The following GINS2 variants were observed in gnomAD, a reference collection of about 807,000 sequenced individuals.
GINS2 encodes the protein GINS complex subunit 2.
In GINS2, 23 loss-of-function variants were observed where a neutral mutation model predicts 21.2. That is an observed-to-expected ratio of 1.08 (90% CI 0.78 to 1.53). GINS2 has a LOEUF of 1.53. Among genes scored for constraint, GINS2 ranks in the 40% most tolerant of loss-of-function variants. The pLI, the probability that GINS2 is intolerant of heterozygous loss-of-function variation, is 0.00. For missense variants in GINS2, 323 were observed against 233.9 expected (o/e 1.38, Z -2.49); for synonymous variants, 118 against 85.6 (o/e 1.38, Z -2.09).
rs910007738 is a variant in GINS2 at position 85,681,781 on chromosome 16, T to C, written c.206-100A>G. 8.7e-6 allele frequency: 6 copies of C among 687,676 alleles called. No individual in the cohort carries two copies. In the African/African-American group the frequency reaches 1.1e-4, roughly 13 times the overall value. 42.6% of individuals were successfully genotyped at this position (687,676 alleles called of 1,614,324 possible). Reference sequence around the variant, plus strand: ...TGCCTATATTATCTGGCAAATACATTATCAACTAGCAAATACATGAAAAAA... The same window carrying C: ...TGCCTATATTATCTGGCAAATACATCATCAACTAGCAAATACATGAAAAAA... On this transcript the variant is annotated intron_variant, in intron 2 of 4. Transcript: ENST00000253462.
chr16:85,682,649 A>G (rs1196656258), intron 2 of GINS2, among the ~76,000 whole-genome samples: 1 of 152,108 alleles, frequency 6.6e-6, no homozygotes, highest in African/African-American at 2.4e-5. Flanking sequence ...AGGAGGCATG[A>G]CATCCTAGAG....
chr16:85,678,240 A>G lies in GINS2; in HGVS notation c.530T>C (p.Leu177Pro). The G allele has an allele frequency of 6.2e-7, 1 of 1,613,696 alleles. No homozygotes were observed. The highest frequency in any genetic ancestry group is 8.5e-7 in the Non-Finnish European group (1 of 1,179,790). Residue 177 changes from leucine to proline, a missense_variant, in exon 5 of 5, where the codon CTG becomes CCG. Coordinates refer to ENST00000253462, the MANE Select transcript of GINS2 (RefSeq NM_016095.3). ...GAAGTCCTGAGACTGAGTACTCTCCAGAGGCTGGAGGTTCGTGCGGAGTTT... is the reference window on the plus strand; with the variant it reads ...GAAGTCCTGAGACTGAGTACTCTCCGGAGGCTGGAGGTTCGTGCGGAGTTT... ...MYKLRTNLQPLESTQSQDF is the reference protein window; with the variant it reads ...MYKLRTNLQPPESTQSQDF
rs35890264 is a variant in GINS2, at chr16:85,686,417, C to CA, written c.205+1042dup. Among the ~76,000 whole-genome samples the CA allele has an allele frequency of 8.3e-3, 923 of 110,772 alleles. 7 individuals carry two copies. Among genetic ancestry groups the CA allele is most frequent in the East Asian group, 0.014 (59 of 4,350 alleles). 72.7% of individuals were successfully genotyped at this position (110,772 alleles called of 152,430 possible). The stretch of plus-strand genomic sequence containing the variant: ...TGGGCGACAGAGCGAGACTCTGTCT[C>CA]AAAAAAAAAAAAAAAGTATACAAGT... On this transcript the variant is annotated intron_variant, in intron 2 of 4. Transcript: ENST00000253462.
In GINS2 at chr16:85,678,272, G is replaced by A. The variant is rs200190343; in HGVS notation, c.498C>T (p.His166=). Residue 166 remains histidine, a synonymous_variant, in exon 5 of 5, where the codon CAC becomes CAT. Coordinates refer to ENST00000253462, the MANE Select transcript of GINS2 (RefSeq NM_016095.3). The part of the protein sequence containing the change: ...SGTFLTQALN[H]MYKLRTNLQP... ...GGAGGTTCGTGCGGAGTTTGTACAT[G>A]TGGTTGAGCGCTTGTGTGAGGAAAG... The A allele has an allele frequency of 4.1e-4, 668 of 1,612,574 alleles. 5 individuals carry two copies. The South Asian group carries it at 6.1e-3, about 15-fold the overall frequency.
rs532522114 is a variant in GINS2 at position 85,678,294 on chromosome 16, A to C, written c.476T>G (p.Phe159Cys). 28 of 1,613,290 alleles carry C rather than the reference A, an allele frequency of 1.7e-5. No homozygotes were observed. The highest frequency in any genetic ancestry group is 1.7e-4 in the Middle Eastern group (1 of 6,060). Residue 159 changes from phenylalanine (F) to cysteine (C), a missense_variant, in exon 5 of 5, where the codon TTC becomes TGC. Phe to Cys is a radical substitution (Grantham distance 205, BLOSUM62 -2). Coordinates refer to ENST00000253462, the MANE Select transcript of GINS2 (RefSeq NM_016095.3). The stretch of plus-strand genomic sequence containing the variant: ...CATGTGGTTGAGCGCTTGTGTGAGG[A>C]AAGTCCCGCTGGTGTTGATCTCCAT... ...TLMEINTSGTFLTQALNHMYK... is the reference protein window; with the variant it reads ...TLMEINTSGTCLTQALNHMYK...
chr16:85,685,678 A>AAAAAAAAAAAAAAAAAAAAAC (rs1567792794), intron 2 of GINS2, among the ~76,000 whole-genome samples: 10 of 143,890 alleles, frequency 6.9e-5, no homozygotes, highest in African/African-American at 2.8e-4. Flanking sequence ...CTCAAAAAAA[A>AAAAAAAAAAAAAAAAAAAAAC]AAAAAAAAAA....
At chr16:85,678,499 C>G (rs3815795) in intron 4 of GINS2, 41 bp downstream of exon 4, 9 of 1,600,026 alleles carry the variant, frequency 5.6e-6, no homozygotes, top group Non-Finnish European at 7.7e-6. Flanking sequence ...TGAAATTATG[C>G]GGCATCAAGG....
At chr16:85,681,007 G>C (rs757489689) in intron 3 of GINS2, among the ~76,000 whole-genome samples, 3 of 152,250 alleles carry the variant, frequency 2.0e-5, no homozygotes, top group African/African-American at 4.8e-5. Flanking sequence ...TGTGAAGAAT[G>C]AATGGAAAGC....
chr16:85,684,235 G>T (rs1036272957), intron 2 of GINS2, among the ~76,000 whole-genome samples: 37 of 152,338 alleles, frequency 2.4e-4, no homozygotes, highest in African/African-American at 8.7e-4. Context: ...TCAAGAAGCA[G>T]AAGTGGGAGG....
chr16:85,688,472 G>A (rs1052485652), intron 1 of GINS2, among the ~76,000 whole-genome samples: 1 of 152,214 alleles, frequency 6.6e-6, no homozygotes, highest in Non-Finnish European at 1.5e-5. Context: ...CTTGAACCCG[G>A]GAGGCGGAGG....
At position 85,688,946 on chromosome 16, in the gene GINS2, C is replaced by A. The variant is rs2053805157; in HGVS notation, c.-48G>T. ...AGCCTCACGGTCTCCTCGGGCCCCT[C>A]AGCGTCCCGGAGGAGACGCCGCGGC... On this transcript the variant is annotated 5_prime_UTR_variant, in exon 1 of 5. Coordinates refer to ENST00000253462, the MANE Select transcript of GINS2 (RefSeq NM_016095.3). 1.5e-6 allele frequency: 2 copies of A among 1,367,646 alleles called. No individual in the cohort carries two copies. The highest frequency in any genetic ancestry group is 2.7e-5 in the East Asian group (1 of 37,468). The allele number at this position is 1,367,646 out of a possible 1,614,324, so 84.7% of individuals were successfully genotyped here.
intron 1 of GINS2, among the ~76,000 whole-genome samples, 196 bp downstream of exon 1, chr16:85,688,613 G>C (rs1206977277): frequency 6.6e-6 from 1 of 152,212 alleles, no homozygotes; most frequent in African/African-American, 2.4e-5. Context: ...CCGGGCGTTC[G>C]GGGCACTGGC....
At chr16:85,688,514 C>G (rs1567794145) in intron 1 of GINS2, among the ~76,000 whole-genome samples, 1 of 152,246 alleles carries the variant, frequency 6.6e-6, no homozygotes, top group Non-Finnish European at 1.5e-5. Flanking sequence ...CCACTGCACT[C>G]CAGCCTGGGC....
At chr16:85,680,203 T>A (rs1364805160) in intron 3 of GINS2, among the ~76,000 whole-genome samples, 3 of 152,210 alleles carry the variant, frequency 2.0e-5, no homozygotes, top group Non-Finnish European at 4.4e-5. Context: ...GTGGAATGCT[T>A]GGTGCATTGC....
Position 85,684,717 on chromosome 16 carries a change from G to T in GINS2, c.205+2743C>A, listed in dbSNP as rs117233051. ...CAGGTAAATCTCAAAAACAGTGTTG[G>T]ATAAGAGAAATCAGAAACAAAAAAT... is the stretch of plus-strand genomic sequence containing the variant. On this transcript the variant is annotated intron_variant, in intron 2 of 4. Coordinates refer to ENST00000253462, the MANE Select transcript of GINS2 (RefSeq NM_016095.3). 5.2e-4 allele frequency among the ~76,000 whole-genome samples: 78 copies of T among 151,040 alleles called. 1 individual carries two copies. The highest frequency in any genetic ancestry group is 4.7e-3 in the Admixed American group (70 of 15,024).
chr16:85,682,933 C>T (rs1053429004), intron 2 of GINS2, among the ~76,000 whole-genome samples: 7 of 152,072 alleles, frequency 4.6e-5, no homozygotes, highest in Non-Finnish European at 8.8e-5. Context: ...TCTTCACTGC[C>T]GCCAGCACCG....
Position 85,688,558 on chromosome 16 carries a change from A to C in GINS2, c.90+251T>G, listed in dbSNP as rs910251920. ...GACACTCCACCTCAAAAACCAAAAA[A>C]CAAACCAAAAAAGCCCCCAAACAGA... On this transcript the variant is annotated intron_variant, in intron 1 of 4. Transcript: ENST00000253462. Among the ~76,000 whole-genome samples the C allele has an allele frequency of 7.9e-5, 12 of 152,296 alleles. No individual in the cohort carries two copies. In the East Asian group the frequency reaches 9.7e-4, roughly 12 times the overall value.
chr16:85,688,808 C>T lies in GINS2; in HGVS notation c.90+1G>A. On this transcript the variant is annotated splice_donor_variant, in intron 1 of 4. Coordinates refer to ENST00000253462, the MANE Select transcript of GINS2 (RefSeq NM_016095.3). LOFTEE classifies it high-confidence loss of function. Reference sequence around the variant, plus strand: ...CTCCCCACGGCGGGCCCAGGCCTCACCCCGATGAGGTAGATCTTGTCCAGA... The same window carrying T: ...CTCCCCACGGCGGGCCCAGGCCTCATCCCGATGAGGTAGATCTTGTCCAGA... 6.6e-7 allele frequency: 1 copy of T among 1,523,996 alleles called. No homozygotes were observed. The highest frequency in any genetic ancestry group is 8.8e-7 in the Non-Finnish European group (1 of 1,131,028). 94.4% of individuals were successfully genotyped at this position (1,523,996 alleles called of 1,614,324 possible).
rs1273865722 is a variant in GINS2, at chr16:85,677,678, T to A, written c.*534A>T. 1 of 152,502 alleles carries A rather than the reference T, an allele frequency of 6.6e-6. No homozygotes were observed. The highest frequency in any genetic ancestry group is 1.5e-5 in the Non-Finnish European group (1 of 68,352). The allele number at this position is 152,502 out of a possible 1,614,324, so 9.4% of individuals were successfully genotyped here. A position where few individuals can be genotyped will look rare whatever the true frequency, so the allele number is the denominator to read the frequency against. ...AAAAACCTAGAGAGTCAGAGCTGAGTTGGGTCCATTTTTATTGTGGATCAG... is the reference window on the plus strand; with the variant it reads ...AAAAACCTAGAGAGTCAGAGCTGAGATGGGTCCATTTTTATTGTGGATCAG... On this transcript the variant is annotated 3_prime_UTR_variant, in exon 5 of 5. Coordinates refer to ENST00000253462, the MANE Select transcript of GINS2 (RefSeq NM_016095.3).
Sources: allele counts gnomAD v4.1 joint callset (sites outside exome capture counted in the v4.1 genomes callset), GRCh38; gene constraint gnomAD v4.1.1; transcripts MANE v1.5; gene names NCBI Gene and HGNC (gene_info 2026-07-23, HGNC 2026-07-21).